Variants in AGBL4 observed in about 807,000 individuals in gnomAD.
The protein encoded by AGBL4 is AGBL carboxypeptidase 4, also known as cytosolic carboxypeptidase 6.
In AGBL4, 58 loss-of-function variants were observed where a neutral mutation model predicts 66.4. The observed-to-expected ratio is 0.87, with a 90% CI of 0.71 to 1.09. The LOEUF (loss-of-function observed/expected upper bound fraction) is 1.09, where lower values mean the gene tolerates loss of function less well. Ranked by LOEUF, AGBL4 falls within the 50% of genes least tolerant of loss-of-function variation. AGBL4 has a pLI of 0.00. For missense variants in AGBL4, 579 were observed against 631.0 expected, an observed-to-expected ratio of 0.92 and a Z score of 0.88; for synonymous variants, 234 against 222.9, an observed-to-expected ratio of 1.05 and a Z score of -0.44.
intron 4 of AGBL4, among the ~76,000 whole-genome samples, chr1:49,201,250 T>C (rs1048823007): frequency 6.6e-6 from 1 of 152,202 alleles, no homozygotes; most frequent in Non-Finnish European, 1.5e-5. Context: ...GACTTGGTCC[T>C]GCATCCCCTG....
chr1:49,510,052 C>A (rs561942441), intron 3 of AGBL4, among the ~76,000 whole-genome samples: 13 of 152,054 alleles, frequency 8.5e-5, no homozygotes, highest in African/African-American at 2.9e-4. Flanking sequence ...TAATAAGAAT[C>A]CAGGAGGAAT....
At chr1:49,514,456 A>G (rs1649577764) in intron 3 of AGBL4, among the ~76,000 whole-genome samples, 1 of 152,010 alleles carries the variant, frequency 6.6e-6, no homozygotes, top group African/African-American at 2.4e-5. Flanking sequence ...AAATGGCCAT[A>G]CTGCCCAAGG....
intron 4 of AGBL4, among the ~76,000 whole-genome samples, chr1:49,216,117 CATACT>C (rs1649068227): frequency 6.6e-6 from 1 of 152,122 alleles, no homozygotes; most frequent in South Asian, 2.1e-4. Context: ...AGGAGACACT[CATACT>C]AACAGTAAAT....
At chr1:49,965,804 C>T (rs531567904) in intron 1 of AGBL4, among the ~76,000 whole-genome samples, 19 of 151,936 alleles carry the variant, frequency 1.3e-4, no homozygotes, top group Non-Finnish European at 2.1e-4. Flanking sequence ...GTTTAGTGAC[C>T]GGACAATTCT....
rs72902823 is a variant in AGBL4 at position 48,687,139 on chromosome 1, C to T, written c.635-23898G>A. 5.4e-3 allele frequency among the ~76,000 whole-genome samples: 824 copies of T among 152,054 alleles called. 5 individuals carry two copies. The highest frequency in any genetic ancestry group is 0.019 in the African/African-American group (783 of 41,460). ...CATGAAGTCAGAGACAGACAAACAG[C>T]GGCAGATGAAGCACAAGAAGAGAAC... is the stretch of plus-strand genomic sequence containing the variant. On this transcript the variant is annotated intron_variant, in intron 6 of 13. Transcript: ENST00000371839.
chr1:49,028,274 C>A lies in AGBL4; in HGVS notation c.594+17310G>T, dbSNP rs568051435. ...AGAGCAGCCTGAAAGACTAGCAATA[C>A]CTTGCCCCTGCAAAAGGGGTCTATA... On this transcript the variant is annotated intron_variant, in intron 5 of 13. Coordinates refer to ENST00000371839, the MANE Select transcript of AGBL4 (RefSeq NM_032785.4). 1.5e-4 allele frequency among the ~76,000 whole-genome samples: 23 copies of A among 152,244 alleles called. 1 individual carries two copies. The South Asian group carries it at 3.7e-3, about 25-fold the overall frequency.
chr1:48,927,728 A>G (rs1488868598), intron 5 of AGBL4, among the ~76,000 whole-genome samples: 2 of 152,190 alleles, frequency 1.3e-5, no homozygotes, highest in Non-Finnish European at 2.9e-5. Flanking sequence ...ACTTTCCTCA[A>G]AAGTGACATA....
intron 6 of AGBL4, among the ~76,000 whole-genome samples, chr1:48,801,457 C>T (rs573597664): frequency 6.6e-6 from 1 of 152,308 alleles, no homozygotes; most frequent in African/African-American, 2.4e-5. Flanking sequence ...GGCTGCCTTC[C>T]CCAAAGACCC....
intron 11 of AGBL4, among the ~76,000 whole-genome samples, chr1:48,581,732 G>A (rs1477801533): frequency 1.3e-5 from 2 of 152,160 alleles, no homozygotes; most frequent in Non-Finnish European, 2.9e-5. Flanking sequence ...CTATATGCCC[G>A]GTGATTTATC....
At chr1:49,714,989 T>G (rs1475339982) in intron 2 of AGBL4, among the ~76,000 whole-genome samples, 1 of 152,124 alleles carries the variant, frequency 6.6e-6, no homozygotes, top group African/African-American at 2.4e-5. Flanking sequence ...AATTATACTT[T>G]AAGTTCTGGG....
At chr1:49,105,386 C>T (rs1273429009) in intron 4 of AGBL4, among the ~76,000 whole-genome samples, 1 of 152,106 alleles carries the variant, frequency 6.6e-6, no homozygotes, top group African/African-American at 2.4e-5. Flanking sequence ...TGGAAGGGTT[C>T]TTAGAGATCT....
chr1:49,702,261 G>A (rs1029001165), intron 2 of AGBL4, among the ~76,000 whole-genome samples: 1 of 152,114 alleles, frequency 6.6e-6, no homozygotes, highest in Non-Finnish European at 1.5e-5. Context: ...GGGAGGCCAA[G>A]GCAGGCAGAT....
chr1:49,080,922 A>G (rs1644798684), intron 4 of AGBL4, among the ~76,000 whole-genome samples: 1 of 152,196 alleles, frequency 6.6e-6, no homozygotes, highest in South Asian at 2.1e-4. Context: ...CTTCCAGAGC[A>G]TTTATATATA....
At chr1:48,661,385 G>T (rs1057011470) in intron 7 of AGBL4, among the ~76,000 whole-genome samples, 1 of 152,160 alleles carries the variant, frequency 6.6e-6, no homozygotes, top group Non-Finnish European at 1.5e-5. Flanking sequence ...AGAGAAGACC[G>T]CCCACTCAAG....
At chr1:48,586,116 T>A (rs566241982) in intron 11 of AGBL4, 1 of 152,346 alleles carries the variant, frequency 6.6e-6, no homozygotes, top group East Asian at 1.9e-4. Context: ...TGCCACGATC[T>A]GTTACAGCTC....
chr1:49,395,568 T>TTA (rs1012322067), intron 3 of AGBL4, among the ~76,000 whole-genome samples: 6 of 143,878 alleles, frequency 4.2e-5, no homozygotes, highest in African/African-American at 1.6e-4. Flanking sequence ...GTGTGTGATA[T>TTA]TATATATATA....
intron 1 of AGBL4, among the ~76,000 whole-genome samples, chr1:49,970,319 T>C (rs1183001892): frequency 5.3e-5 from 8 of 152,186 alleles, no homozygotes; most frequent in African/African-American, 1.4e-4. Flanking sequence ...AGGCAACCTA[T>C]GGCATAGGAA....
intron 3 of AGBL4, among the ~76,000 whole-genome samples, chr1:49,462,043 A>G (rs945757286): frequency 2.0e-5 from 3 of 151,784 alleles, no homozygotes; most frequent in Non-Finnish European, 2.9e-5. Context: ...AGGAATCACC[A>G]CACCATCTTC....
Position 49,194,576 on chromosome 1 carries a change from T to C in AGBL4, c.377+51194A>G, listed in dbSNP as rs113319324. ...ATATTGTTAATTGTTATCTAATATT[T>C]TGTAGATTCTGTTTCTTGTTTGTTT... On this transcript the variant is annotated intron_variant, in intron 4 of 13. Transcript: ENST00000371839. Among the ~76,000 whole-genome samples the C allele has an allele frequency of 7.1e-3, 1,089 of 152,308 alleles. 12 individuals carry two copies. Among genetic ancestry groups the C allele is most frequent in the South Asian group, 0.014 (68 of 4,826 alleles).
Sources: allele counts gnomAD v4.1 joint callset (sites outside exome capture counted in the v4.1 genomes callset), GRCh38; gene constraint gnomAD v4.1.1; transcripts MANE v1.5; gene names NCBI Gene and HGNC (gene_info 2026-07-23, HGNC 2026-07-21).